Variants in SIRT3 observed in about 807,000 individuals in gnomAD.
SIRT3 encodes the protein sirtuin 3.
A neutral mutation model predicts 33.5 loss-of-function variants in SIRT3; 26 were observed. That is an observed-to-expected ratio of 0.78 (90% CI 0.57 to 1.08). SIRT3 has a LOEUF of 1.08. Among genes scored for constraint, SIRT3 ranks in the 50% least tolerant of loss-of-function variants. The pLI is 0.00. For missense variants in SIRT3, 585 were observed against 530.1 expected (o/e 1.10, Z -1.02); for synonymous variants, 237 against 222.1 (o/e 1.07, Z -0.60).
At chr11:224,337 C>CA in intron 4 of SIRT3, 98 bp from the exon 5 acceptor site, 5 of 1,321,736 alleles carry the variant, frequency 3.8e-6, no homozygotes, top group South Asian at 1.5e-5. Flanking sequence ...CATTCTCCCC[C>CA]AAAAAAGGTG....
chr11:231,516 T>A (rs1267265392), intron 3 of SIRT3, among the ~76,000 whole-genome samples: 1 of 152,226 alleles, frequency 6.6e-6, no homozygotes, highest in Non-Finnish European at 1.5e-5. Context: ...ATATCATAAA[T>A]TCCAAAAGAA....
intron 6 of SIRT3, among the ~76,000 whole-genome samples, chr11:218,569 A>C (rs748793371): frequency 1.3e-5 from 2 of 152,220 alleles, no homozygotes; most frequent in Non-Finnish European, 2.9e-5. Context: ...TAACGCCTAT[A>C]GTCTGTTAAG....
chr11:218,171 C>T (rs1201587522), intron 6 of SIRT3, among the ~76,000 whole-genome samples: 1 of 152,184 alleles, frequency 6.6e-6, no homozygotes, highest in Non-Finnish European at 1.5e-5. Context: ...TGGTGAAATC[C>T]CCTTTGGACA....
chr11:232,415 AATCCGGCACCCGG>A (rs1426391911), intron 3 of SIRT3, among the ~76,000 whole-genome samples: 1 of 152,110 alleles, frequency 6.6e-6, no homozygotes, highest in African/African-American at 2.4e-5. Flanking sequence ...CCACACCTGT[AATCCGGCACCCGG>A]CCGGAGTTGT....
chr11:219,241 C>CCTCT (rs377572725), intron 5 of SIRT3, among the ~76,000 whole-genome samples, 200 bp from the exon 6 acceptor site: 1 of 151,418 alleles, frequency 6.6e-6, no homozygotes, highest in African/African-American at 2.4e-5. Flanking sequence ...CTCCCCTCCG[C>CCTCT]CTCTCTCTCT....
rs756032062 is a variant in SIRT3, at chr11:236,078, C to T, written c.251G>A (p.Arg84Lys). The change falls in exon 1 of 7, where the codon AGG (arginine) becomes AAG (lysine). Residue 84 changes from arginine to lysine, a missense_variant. Arg to Lys is a conservative substitution (Grantham distance 26). Coordinates refer to ENST00000382743, the MANE Select transcript of SIRT3 (RefSeq NM_012239.6). ...EVPRAFRRQP[R>K]AAAPSFFFSS... The stretch of plus-strand genomic sequence containing the variant: ...AAAGAAGAAACTGGGAGCTGCTGCC[C>T]TCGGCTGCCTCCGGAATGCCCTGGG... 3.2e-6 allele frequency: 5 copies of T among 1,551,226 alleles called. No individual in the cohort carries two copies. The South Asian group carries it at 5.9e-5, about 18-fold the overall frequency.
At chr11:217,175 C>T (rs1285192022) in intron 6 of SIRT3, among the ~76,000 whole-genome samples, 2 of 152,254 alleles carry the variant, frequency 1.3e-5, no homozygotes, top group Non-Finnish European at 2.9e-5. Context: ...TTGGGCCGGG[C>T]CTGCTGGCTC....
chr11:235,191 A>G (rs1034246099), intron 1 of SIRT3, among the ~76,000 whole-genome samples: 7 of 111,558 alleles, frequency 6.3e-5, no homozygotes, highest in Admixed American at 2.0e-4. Flanking sequence ...TTCAGGATCT[A>G]TTAAACTTTT....
chr11:231,050 G>A (rs983096466), intron 3 of SIRT3, among the ~76,000 whole-genome samples: 37 of 152,106 alleles, frequency 2.4e-4, no homozygotes, highest in African/African-American at 7.7e-4. Context: ...GCTTGAACCC[G>A]GGAGGTGGAA....
chr11:230,444 TA>T lies in SIRT3; in HGVS notation c.807+7del. On this transcript the variant is annotated splice_region_variant and intron_variant, in intron 4 of 6. Coordinates refer to ENST00000382743, the MANE Select transcript of SIRT3 (RefSeq NM_012239.6). ...TGCAGAAGGACAACCAACAGCAGGA[TA>T]ACTCACCCGAATGTCCTCCCCTGGG... The T allele has an allele frequency of 7.0e-7, 1 of 1,432,008 alleles. No individual in the cohort carries two copies. The highest frequency in any genetic ancestry group is 9.2e-7 in the Non-Finnish European group (1 of 1,083,542). 88.7% of individuals were successfully genotyped at this position (1,432,008 alleles called of 1,614,324 possible). A position where few individuals can be genotyped will look rare whatever the true frequency, so the allele number is the denominator to read the frequency against.
chr11:234,234 C>T (rs2133946919), intron 1 of SIRT3, among the ~76,000 whole-genome samples: 1 of 152,234 alleles, frequency 6.6e-6, no homozygotes. Flanking sequence ...AGTGGGGGAC[C>T]CTGAGGGGCA....
At chr11:216,836 C>T in intron 6 of SIRT3, 118 bp from the exon 7 acceptor site, 1 of 1,115,010 alleles carries the variant, frequency 9.0e-7, no homozygotes, top group Non-Finnish European at 1.4e-6. Context: ...AAACAAGCTG[C>T]TTTCTGCAAA....
intron 4 of SIRT3, 50 bp from the exon 5 acceptor site, chr11:224,289 A>G: frequency 6.4e-7 from 1 of 1,568,280 alleles, no homozygotes; most frequent in Non-Finnish European, 8.7e-7. Flanking sequence ...AACACCCTGT[A>G]AAAGGAAAAG....
In SIRT3 at chr11:233,039, T is replaced by C. The variant is rs772528818; in HGVS notation, c.650A>G (p.His217Arg). ...GAGCCGCAGAAGCAGCCCCTTGTCATGAAGCAGCCGGAGAAAGTAGTGAGT... is the reference window on the plus strand; with the variant it reads ...GAGCCGCAGAAGCAGCCCCTTGTCACGAAGCAGCCGGAGAAAGTAGTGAGT... ...NVTHYFLRLL[H>R]DKGLLLRLYT... The change falls in exon 3 of 7, where the codon CAT becomes CGT. Residue 217 changes from histidine to arginine, a missense_variant. By Grantham distance (29) the His-to-Arg change is conservative. Coordinates refer to ENST00000382743, the MANE Select transcript of SIRT3 (RefSeq NM_012239.6). 3.1e-6 allele frequency: 5 copies of C among 1,613,916 alleles called. No homozygotes were observed. The highest frequency in any genetic ancestry group is 4.5e-5 in the East Asian group (2 of 44,872).
intron 1 of SIRT3, 123 bp from the exon 2 acceptor site, chr11:233,657 C>A: frequency 1.2e-6 from 1 of 830,382 alleles, no homozygotes. Context: ...TGTGTCTCCC[C>A]AGGCCTCTCA....
chr11:218,920 C>T lies in SIRT3; in HGVS notation c.1091G>A (p.Gly364Glu). The T allele has an allele frequency of 6.2e-7, 1 of 1,614,178 alleles. No homozygotes were observed. Among genetic ancestry groups the T allele is most frequent in the Non-Finnish European group, 8.5e-7 (1 of 1,180,030 alleles). ...HPRSRDVAQL[G>E]DVVHGVESLV... ...GCTTTCCACGCCGTGAACCACGTCC[C>T]CCAGCTGGGCCACGTCCCTGCTGCG... is the stretch of plus-strand genomic sequence containing the variant. The change falls in exon 6 of 7, where the codon GGG becomes GAG. Residue 364 changes from glycine (G) to glutamate (E), a missense_variant. Coordinates refer to ENST00000382743, the MANE Select transcript of SIRT3 (RefSeq NM_012239.6).
intron 4 of SIRT3, among the ~76,000 whole-genome samples, chr11:228,647 A>T (rs888358696): frequency 2.0e-5 from 3 of 152,256 alleles, no homozygotes; most frequent in African/African-American, 7.2e-5. Flanking sequence ...TAAAAGCTTT[A>T]AACTATAAAA....
chr11:233,436 TCC>T lies in SIRT3; in HGVS notation c.378_379del (p.Asp127CysfsTer3). 1 of 1,613,846 alleles carries T rather than the reference TCC, an allele frequency of 6.2e-7. No individual in the cohort carries two copies. Among genetic ancestry groups the T allele is most frequent in the Non-Finnish European group, 8.5e-7 (1 of 1,179,992 alleles). On this transcript the variant is annotated frameshift_variant, in exon 2 of 7. Coordinates refer to ENST00000382743, the MANE Select transcript of SIRT3 (RefSeq NM_012239.6). LOFTEE classifies it high-confidence loss of function. ...TCTGGCCCGAATCAGCTCAGCTACATCCTGCAGGGAAAGCTTCCCCTTGTCAC... is the reference window on the plus strand; with the variant it reads ...TCTGGCCCGAATCAGCTCAGCTACATTGCAGGGAAAGCTTCCCCTTGTCAC...
In SIRT3 at chr11:236,075, G is replaced by A. The variant is rs1291727215; in HGVS notation, c.254C>T (p.Ala85Val). Reference protein sequence around the residue: ...VPRAFRRQPRAAAPSFFFSSI... With the variant: ...VPRAFRRQPRVAAPSFFFSSI... ...CGAAAAGAAGAAACTGGGAGCTGCT[G>A]CCCTCGGCTGCCTCCGGAATGCCCT... Residue 85 changes from alanine to valine, a missense_variant, in exon 1 of 7, where the codon GCA becomes GTA. Coordinates refer to ENST00000382743, the MANE Select transcript of SIRT3 (RefSeq NM_012239.6). 7 of 1,547,348 alleles carry A rather than the reference G, an allele frequency of 4.5e-6. No individual in the cohort carries two copies. The Admixed American group carries it at 6.1e-5, about 13-fold the overall frequency.
Sources: gnomAD v4.1 joint callset for allele counts (sites outside exome capture counted in the v4.1 genomes callset) on GRCh38, gnomAD v4.1.1 for gene constraint, MANE v1.5 for transcripts, NCBI Gene and HGNC (gene_info 2026-07-23, HGNC 2026-07-21) for gene names.